Variants in NEGR1 observed in about 807,000 individuals in gnomAD.
The protein encoded by NEGR1 is neuronal growth regulator 1.
A neutral mutation model predicts 40.9 loss-of-function variants in NEGR1; 10 were observed. That is an observed-to-expected ratio of 0.24 (90% CI 0.15 to 0.42). NEGR1 has a LOEUF of 0.42. Among genes scored for constraint, NEGR1 ranks in the 10% least tolerant of loss-of-function variants. The pLI is 1.00. For missense variants in NEGR1, 352 were observed against 438.9 expected (o/e 0.80, Z 1.77); for synonymous variants, 185 against 166.8 (o/e 1.11, Z -0.84).
intron 2 of NEGR1, among the ~76,000 whole-genome samples, chr1:71,820,851 GT>G (rs1031633044): frequency 1.3e-5 from 2 of 151,962 alleles, no homozygotes; most frequent in African/African-American, 4.8e-5. Context: ...TTTCACGAAT[GT>G]AGAGGTATTT....
intron 6 of NEGR1, among the ~76,000 whole-genome samples, chr1:71,506,085 A>T (rs1246293094): frequency 6.6e-6 from 1 of 152,108 alleles, no homozygotes; most frequent in Non-Finnish European, 1.5e-5. Flanking sequence ...CAAGGAGAGA[A>T]CTCCAAAAAT....
intron 2 of NEGR1, among the ~76,000 whole-genome samples, chr1:71,845,331 T>C (rs1198263229): frequency 6.6e-6 from 1 of 152,214 alleles, no homozygotes; most frequent in South Asian, 2.1e-4. Context: ...GCATAAATCA[T>C]AATCAATTTA....
chr1:72,228,461 T>C (rs1654260505), intron 1 of NEGR1, among the ~76,000 whole-genome samples: 1 of 152,142 alleles, frequency 6.6e-6, no homozygotes, highest in Non-Finnish European at 1.5e-5. Flanking sequence ...AGCTTTCCTG[T>C]GTTTCCAGCT....
At chr1:71,627,154 C>T (rs536814007) in intron 4 of NEGR1, among the ~76,000 whole-genome samples, 101 of 152,004 alleles carry the variant, frequency 6.6e-4, no homozygotes, top group African/African-American at 2.3e-3. Flanking sequence ...GGGTATATAC[C>T]CAAAGGATTA....
chr1:71,692,307 A>G (rs1653313918), intron 4 of NEGR1, among the ~76,000 whole-genome samples: 1 of 151,748 alleles, frequency 6.6e-6, no homozygotes, highest in African/African-American at 2.4e-5. Context: ...AAAACATAAA[A>G]TACAGAAGAG....
intron 6 of NEGR1, among the ~76,000 whole-genome samples, chr1:71,531,572 A>G (rs1040713791): frequency 6.6e-6 from 1 of 151,362 alleles, no homozygotes; most frequent in Admixed American, 6.6e-5. Flanking sequence ...TTATAAGTTA[A>G]AAGAAAAATT....
At chr1:72,255,531 T>C (rs1158714346) in intron 1 of NEGR1, among the ~76,000 whole-genome samples, 3 of 151,380 alleles carry the variant, frequency 2.0e-5, no homozygotes, top group Admixed American at 1.3e-4. Context: ...CCTACTATGG[T>C]TTATCAAAAA....
chr1:71,543,455 G>C (rs975320411), intron 6 of NEGR1, among the ~76,000 whole-genome samples: 1 of 151,668 alleles, frequency 6.6e-6, no homozygotes. Flanking sequence ...TGAAATAGTA[G>C]AGTCTGACCA....
intron 6 of NEGR1, among the ~76,000 whole-genome samples, chr1:71,458,234 G>A (rs1646688470): frequency 6.6e-6 from 1 of 152,148 alleles, no homozygotes; most frequent in Admixed American, 6.5e-5. Context: ...CCTAAGACCT[G>A]ACTCTCAGTA....
intron 1 of NEGR1, among the ~76,000 whole-genome samples, chr1:72,187,915 T>A (rs916259177): frequency 6.6e-6 from 1 of 151,486 alleles, no homozygotes; most frequent in African/African-American, 2.4e-5. Context: ...TTAATTACTA[T>A]GATACACTTT....
chr1:71,858,664 C>A (rs1008141037), intron 2 of NEGR1, among the ~76,000 whole-genome samples: 5 of 152,028 alleles, frequency 3.3e-5, no homozygotes, highest in Non-Finnish European at 2.9e-5. Flanking sequence ...CAAACAAAAA[C>A]ACATTTAAAT....
At chr1:72,196,041 C>A (rs1468026891) in intron 1 of NEGR1, among the ~76,000 whole-genome samples, 1 of 151,910 alleles carries the variant, frequency 6.6e-6, no homozygotes, top group Non-Finnish European at 1.5e-5. Flanking sequence ...AGAATCTATG[C>A]ACAATCTTTA....
At chr1:72,027,352 T>C (rs1417093029) in intron 1 of NEGR1, among the ~76,000 whole-genome samples, 1 of 152,144 alleles carries the variant, frequency 6.6e-6, no homozygotes, top group East Asian at 1.9e-4. Flanking sequence ...TTTCATCTAA[T>C]TGGTAAAAGA....
chr1:72,133,105 G>C (rs1228258464), intron 1 of NEGR1, among the ~76,000 whole-genome samples: 1 of 151,964 alleles, frequency 6.6e-6, no homozygotes, highest in Non-Finnish European at 1.5e-5. Context: ...TAAGAATAAA[G>C]ACTTATAACC....
intron 5 of NEGR1, among the ~76,000 whole-genome samples, chr1:71,594,055 C>T (rs1023275827): frequency 2.6e-5 from 4 of 152,142 alleles, no homozygotes; most frequent in African/African-American, 9.7e-5. Context: ...ATCCTATATA[C>T]ATAATAAATA....
chr1:72,049,530 A>G (rs1233472416), intron 1 of NEGR1, among the ~76,000 whole-genome samples: 1 of 151,676 alleles, frequency 6.6e-6, no homozygotes. Flanking sequence ...TTAAGCATAT[A>G]AAATTGTAGC....
At chr1:71,743,033 C>G (rs978395051) in intron 3 of NEGR1, among the ~76,000 whole-genome samples, 1 of 152,120 alleles carries the variant, frequency 6.6e-6, no homozygotes, top group African/African-American at 2.4e-5. Flanking sequence ...GAGGATACAT[C>G]GAGAAGATAA....
intron 4 of NEGR1, among the ~76,000 whole-genome samples, chr1:71,689,719 T>A (rs930344556): frequency 6.6e-6 from 1 of 151,680 alleles, no homozygotes; most frequent in African/African-American, 2.4e-5. Context: ...TGGTTTAGTA[T>A]CACTATACAT....
chr1:71,765,265 T>C (rs1362674652), intron 3 of NEGR1, among the ~76,000 whole-genome samples: 1 of 152,066 alleles, frequency 6.6e-6, no homozygotes, highest in East Asian at 1.9e-4. Context: ...CTACAAAATT[T>C]TGCCTCATTT....
Sources: allele counts gnomAD v4.1 joint callset (sites outside exome capture counted in the v4.1 genomes callset), GRCh38; gene constraint gnomAD v4.1.1; transcripts MANE v1.5; gene names NCBI Gene and HGNC (gene_info 2026-07-23, HGNC 2026-07-21).